Variants in MAGI3 observed in about 807,000 individuals in gnomAD.
The protein encoded by MAGI3 is membrane associated guanylate kinase, WW and PDZ domain containing 3.
A neutral mutation model predicts 121.8 loss-of-function variants in MAGI3; 43 were observed. The ratio of observed to expected loss-of-function variants is 0.35; its 90% CI spans 0.28 to 0.46. The LOEUF (loss-of-function observed/expected upper bound fraction) is 0.46. Ranked by LOEUF, MAGI3 falls within the 20% of genes least tolerant of loss-of-function variation. MAGI3 has a pLI of 1.00. For synonymous variants in MAGI3, 553 were observed against 639.3 expected (o/e 0.86, Z 2.04); for missense variants, 1,547 against 1,797.3 (o/e 0.86, Z 2.52).
intron 1 of MAGI3, among the ~76,000 whole-genome samples, chr1:113,436,294 T>TTC (rs201301084): frequency 2.0e-5 from 3 of 151,926 alleles, no homozygotes; most frequent in Non-Finnish European, 2.9e-5. Flanking sequence ...TGTAATTGCC[T>TTC]TCTCTCTCTC....
intron 2 of MAGI3, among the ~76,000 whole-genome samples, chr1:113,564,555 A>G (rs990220221): frequency 2.0e-5 from 3 of 152,112 alleles, no homozygotes; most frequent in Admixed American, 1.3e-4. Flanking sequence ...CTTGATACAG[A>G]TGTCTGATAA....
At chr1:113,561,462 T>C (rs1468074711) in intron 2 of MAGI3, among the ~76,000 whole-genome samples, 2 of 152,164 alleles carry the variant, frequency 1.3e-5, no homozygotes, top group Non-Finnish European at 2.9e-5. Flanking sequence ...TGGTTCAACA[T>C]ACACAAATCA....
At chr1:113,623,441 T>TATACACAC (rs1239791417) in intron 9 of MAGI3, among the ~76,000 whole-genome samples, 1 of 95,270 alleles carries the variant, frequency 1.0e-5, no homozygotes, top group Non-Finnish European at 2.2e-5. Flanking sequence ...TACACATATA[T>TATACACAC]ATACACACAC....
At chr1:113,464,195 T>G (rs1024577739) in intron 1 of MAGI3, among the ~76,000 whole-genome samples, 5 of 152,108 alleles carry the variant, frequency 3.3e-5, no homozygotes, top group Non-Finnish European at 7.4e-5. Context: ...ACCAATCTAC[T>G]GTATCTTTAT....
intron 1 of MAGI3, chr1:113,450,518 G>A (rs1654425370): frequency 6.9e-6 from 7 of 1,010,706 alleles, no homozygotes; most frequent in Non-Finnish European, 1.1e-5. Context: ...AGGTGGTGGA[G>A]GATATGATGG....
intron 1 of MAGI3, among the ~76,000 whole-genome samples, chr1:113,441,717 A>T (rs1011641775): frequency 6.6e-6 from 1 of 152,222 alleles, no homozygotes; most frequent in African/African-American, 2.4e-5. Flanking sequence ...CCCAGTAAAA[A>T]GGCAGAAGCT....
At chr1:113,673,643 G>T (rs980226206) in intron 19 of MAGI3, among the ~76,000 whole-genome samples, 178 bp downstream of exon 19, 9 of 152,214 alleles carry the variant, frequency 5.9e-5, no homozygotes, top group African/African-American at 2.2e-4. Flanking sequence ...ACGCCCTGAT[G>T]ATTTCATTTC....
chr1:113,398,400 A>G (rs1221057918), intron 1 of MAGI3, among the ~76,000 whole-genome samples: 2 of 152,204 alleles, frequency 1.3e-5, no homozygotes, highest in Non-Finnish European at 2.9e-5. Context: ...TTTATTAATA[A>G]TTAAGATCTT....
At chr1:113,528,995 G>T (rs4839324) in intron 1 of MAGI3, among the ~76,000 whole-genome samples, 1 of 151,820 alleles carries the variant, frequency 6.6e-6, no homozygotes, top group Admixed American at 6.6e-5. Context: ...ACTTGTTTTC[G>T]GTCAAAGTTT....
At chr1:113,590,262 A>G (rs141547853) in intron 4 of MAGI3, among the ~76,000 whole-genome samples, 196 of 152,232 alleles carry the variant, frequency 1.3e-3, no homozygotes, top group African/African-American at 4.4e-3. Context: ...GCTTCTTTCC[A>G]AGACTAGCAT....
intron 1 of MAGI3, among the ~76,000 whole-genome samples, chr1:113,482,528 G>T (rs1656160798): frequency 6.6e-6 from 1 of 151,578 alleles, no homozygotes; most frequent in African/African-American, 2.4e-5. Context: ...ATAGAGGCGA[G>T]GTCTCACTAT....
At chr1:113,416,289 A>G (rs1231379519) in intron 1 of MAGI3, among the ~76,000 whole-genome samples, 1 of 82,398 alleles carries the variant, frequency 1.2e-5, no homozygotes, top group Non-Finnish European at 2.6e-5. Context: ...ACACATATTA[A>G]TTATGTAATT....
At chr1:113,616,788 C>T (rs1443476312) in intron 7 of MAGI3, among the ~76,000 whole-genome samples, 1 of 151,356 alleles carries the variant, frequency 6.6e-6, no homozygotes, top group African/African-American at 2.4e-5. Context: ...TTTCAGTACA[C>T]GTAATATATA....
At chr1:113,515,780 A>G (rs1657867359) in intron 1 of MAGI3, among the ~76,000 whole-genome samples, 2 of 152,074 alleles carry the variant, frequency 1.3e-5, no homozygotes, top group African/African-American at 4.8e-5. Context: ...CTTAAGTTAC[A>G]TTTACCTTTT....
At chr1:113,672,801 G>T in intron 18 of MAGI3, 60 bp downstream of exon 18, 1 of 1,532,894 alleles carries the variant, frequency 6.5e-7, no homozygotes, top group East Asian at 2.3e-5. Flanking sequence ...CACTGGCATT[G>T]GTGAATTTTT....
At chr1:113,559,006 A>T (rs190336260) in intron 2 of MAGI3, among the ~76,000 whole-genome samples, 134 of 152,326 alleles carry the variant, frequency 8.8e-4, no homozygotes, top group African/African-American at 3.2e-3. Context: ...TGCTAAGGGA[A>T]TTCATTACTG....
At chr1:113,425,227 T>G (rs1161626355) in intron 1 of MAGI3, among the ~76,000 whole-genome samples, 1 of 151,482 alleles carries the variant, frequency 6.6e-6, no homozygotes, top group African/African-American at 2.4e-5. Flanking sequence ...TGAAATAGGC[T>G]AGGCCTGGAG....
At chr1:113,654,549 A>G (rs1160558305) in intron 15 of MAGI3, among the ~76,000 whole-genome samples, 1 of 152,164 alleles carries the variant, frequency 6.6e-6, no homozygotes, top group African/African-American at 2.4e-5. Flanking sequence ...TGTTTCATTG[A>G]AAGGTAAAAA....
chr1:113,534,026 A>G lies in MAGI3; in HGVS notation c.317-15489A>G, dbSNP rs1167998641. Among the ~76,000 whole-genome samples, 8 of 152,174 alleles carry G rather than the reference A, an allele frequency of 5.3e-5. 2 individuals carry two copies. Among genetic ancestry groups the G allele is most frequent in the Admixed American group, 5.2e-4 (8 of 15,276 alleles). ...TATAATTTGAAGTTTGAATCACAGCACTTCCCCTGCACATCTGTGAGCATT... is the reference window on the plus strand; with the variant it reads ...TATAATTTGAAGTTTGAATCACAGCGCTTCCCCTGCACATCTGTGAGCATT... On this transcript the variant is annotated intron_variant, in intron 1 of 20. Transcript: ENST00000307546.
Sources: allele counts gnomAD v4.1 joint callset (sites outside exome capture counted in the v4.1 genomes callset), GRCh38; gene constraint gnomAD v4.1.1; transcripts MANE v1.5; gene names NCBI Gene and HGNC (gene_info 2026-07-23, HGNC 2026-07-21).